The following EFL1 variants were observed in gnomAD, a reference collection of about 807,000 sequenced individuals.
EFL1 encodes elongation factor-like GTPase 1.
A neutral mutation model predicts 126.7 loss-of-function variants in EFL1; 76 were observed. That is an observed-to-expected ratio of 0.60 (90% CI 0.50 to 0.73). The LOEUF is 0.73. Ranked by LOEUF, EFL1 falls within the 30% of genes least tolerant of loss-of-function variation. EFL1 has a pLI of 0.00. For synonymous variants in EFL1, 410 were observed against 448.4 expected (o/e 0.91, Z 1.08); for missense variants, 1,128 against 1,343.2 (o/e 0.84, Z 2.50).
chr15:82,260,767 T>TA (rs913243978), intron 2 of EFL1, among the ~76,000 whole-genome samples: 6 of 152,216 alleles, frequency 3.9e-5, no homozygotes, highest in Admixed American at 2.6e-4. Flanking sequence ...ACTCAACTCT[T>TA]ATCCCAGTTC....
At chr15:82,167,918 G>C (rs985982103) in intron 15 of EFL1, among the ~76,000 whole-genome samples, 53 of 152,130 alleles carry the variant, frequency 3.5e-4, no homozygotes, top group Non-Finnish European at 2.5e-4. Flanking sequence ...CCATCAACCT[G>C]TTCCTGTTAA....
chr15:82,226,153 A>G (rs1567070728), intron 11 of EFL1, among the ~76,000 whole-genome samples: 2 of 151,912 alleles, frequency 1.3e-5, no homozygotes, highest in African/African-American at 4.8e-5. Context: ...TAGTTGTTTC[A>G]TTGTTGTTGT....
intron 4 of EFL1, among the ~76,000 whole-genome samples, chr15:82,241,642 A>G (rs1219476128): frequency 6.6e-6 from 1 of 152,232 alleles, no homozygotes; most frequent in Non-Finnish European, 1.5e-5. Flanking sequence ...ACCACTTAAG[A>G]GCTTATTGGG....
chr15:82,195,524 G>A (rs1430531435), intron 15 of EFL1, among the ~76,000 whole-genome samples: 1 of 152,194 alleles, frequency 6.6e-6, no homozygotes, highest in African/African-American at 2.4e-5. Flanking sequence ...CAAGCTGGTG[G>A]CCACATCCTA....
intron 15 of EFL1, among the ~76,000 whole-genome samples, chr15:82,207,123 G>A (rs997848793): frequency 1.3e-5 from 2 of 151,810 alleles, no homozygotes; most frequent in African/African-American, 2.4e-5. Context: ...TAAAACCCTC[G>A]TATGTGTCAC....
At chr15:82,160,482 T>C (rs1307680140) in intron 16 of EFL1, among the ~76,000 whole-genome samples, 1 of 152,222 alleles carries the variant, frequency 6.6e-6, no homozygotes, top group African/African-American at 2.4e-5. Context: ...CACAAATCAA[T>C]ATTATCTATA....
Position 82,152,370 on chromosome 15 carries a change from G to A in EFL1, c.2084C>T (p.Thr695Ile). 6.2e-7 allele frequency: 1 copy of A among 1,613,296 alleles called. No individual in the cohort carries two copies. Among genetic ancestry groups the A allele is most frequent in the Non-Finnish European group, 8.5e-7 (1 of 1,180,000 alleles). The change falls in exon 18 of 20, where the codon ACA becomes ATA. Residue 695 changes from threonine to isoleucine, a missense_variant. Coordinates refer to ENST00000268206, the MANE Select transcript of EFL1 (RefSeq NM_024580.6). ...GTCAACTTTTGGGGGTTTTGTGATT[G>A]TTTCTCTGAATGGAATAATAGGTTC... Reference protein sequence around the residue: ...VSEPIIPFRETITKPPKVDMV... With the variant: ...VSEPIIPFREIITKPPKVDMV...
chr15:82,198,101 T>A (rs2074427013), intron 15 of EFL1, among the ~76,000 whole-genome samples: 2 of 152,242 alleles, frequency 1.3e-5, no homozygotes, highest in Non-Finnish European at 2.9e-5. Context: ...GGCACTGGTG[T>A]GGACAGAGCA....
Position 82,157,697 on chromosome 15 carries a change from A to G in EFL1, c.2030+16T>C. Reference sequence around the variant, plus strand: ...TGAGAGCTATCATTTCTCCATCGCTATCATTTTCACCTAACCTTTCTTTTA... The same window carrying G: ...TGAGAGCTATCATTTCTCCATCGCTGTCATTTTCACCTAACCTTTCTTTTA... On this transcript the variant is annotated intron_variant, in intron 17 of 19. Coordinates refer to ENST00000268206, the MANE Select transcript of EFL1 (RefSeq NM_024580.6). 6.2e-7 allele frequency: 1 copy of G among 1,603,626 alleles called. No individual in the cohort carries two copies. The highest frequency in any genetic ancestry group is 8.5e-7 in the Non-Finnish European group (1 of 1,172,448).
rs531195636 is a variant in EFL1, at chr15:82,180,347, C to T, written c.1751-16363G>A. The stretch of plus-strand genomic sequence containing the variant: ...ATTGGTTAAAATGAAGCAGTAACTG[C>T]GATTAAACTGGCAAAAAAAAAAAAA... On this transcript the variant is annotated intron_variant, in intron 15 of 19. Transcript: ENST00000268206. Among the ~76,000 whole-genome samples the T allele has an allele frequency of 1.6e-4, 20 of 125,248 alleles. No individual in the cohort carries two copies. The East Asian group carries it at 2.7e-3, about 17-fold the overall frequency. The allele number at this position is 125,248 out of a possible 152,430, so 82.2% of individuals were successfully genotyped here. A position where few individuals can be genotyped will look rare whatever the true frequency, so the allele number is the denominator to read the frequency against.
intron 15 of EFL1, among the ~76,000 whole-genome samples, chr15:82,193,856 G>A (rs1175022211): frequency 2.6e-5 from 4 of 152,150 alleles, no homozygotes; most frequent in East Asian, 1.9e-4. Flanking sequence ...TTTACATGCC[G>A]TGCAAACTAT....
chr15:82,173,214 TAAAAC>T (rs1036966750), intron 15 of EFL1, among the ~76,000 whole-genome samples: 21 of 152,188 alleles, frequency 1.4e-4, no homozygotes, highest in African/African-American at 5.1e-4. Context: ...CTGTAAAACA[TAAAAC>T]AGTACAATAA....
rs559988604 is a variant in EFL1 at position 82,148,733 on chromosome 15, C to T, written c.2989+2732G>A. On this transcript the variant is annotated intron_variant, in intron 18 of 19. Transcript: ENST00000268206. ...TATCTCACCATAATAAGAGAATTTG[C>T]CCTTTTGAGAAATTATGAATAGTAA... is the stretch of plus-strand genomic sequence containing the variant. Among the ~76,000 whole-genome samples the T allele has an allele frequency of 1.5e-4, 23 of 152,204 alleles. No homozygotes were observed. In the East Asian group the frequency reaches 4.3e-3, roughly 28 times the overall value.
At chr15:82,183,906 T>C (rs1214892372) in intron 15 of EFL1, among the ~76,000 whole-genome samples, 1 of 152,190 alleles carries the variant, frequency 6.6e-6, no homozygotes, top group Non-Finnish European at 1.5e-5. Context: ...TTGAGCAGTA[T>C]GTATTAGTAA....
chr15:82,221,219 C>G (rs1352565661), intron 12 of EFL1, among the ~76,000 whole-genome samples: 2 of 152,182 alleles, frequency 1.3e-5, no homozygotes, highest in African/African-American at 4.8e-5. Flanking sequence ...TGTCCATCAC[C>G]TTTGATATTA....
chr15:82,232,897 C>T (rs995572168), intron 7 of EFL1, among the ~76,000 whole-genome samples: 7 of 151,860 alleles, frequency 4.6e-5, no homozygotes, highest in African/African-American at 1.7e-4. Context: ...GGTTTCTATT[C>T]TTCCAGGATT....
At chr15:82,133,602 G>A (rs964065435) in intron 19 of EFL1, among the ~76,000 whole-genome samples, 1 of 152,152 alleles carries the variant, frequency 6.6e-6, no homozygotes, top group African/African-American at 2.4e-5. Flanking sequence ...ATGGCACATA[G>A]GACCTCCTTG....
chr15:82,186,373 T>C (rs1347520303), intron 15 of EFL1, among the ~76,000 whole-genome samples: 2 of 152,212 alleles, frequency 1.3e-5, no homozygotes, highest in Admixed American at 6.5e-5. Context: ...TAAAGTACTA[T>C]ATTGTCTGGC....
intron 15 of EFL1, among the ~76,000 whole-genome samples, chr15:82,214,365 C>T (rs1340095155): frequency 6.6e-6 from 1 of 152,188 alleles, no homozygotes; most frequent in African/African-American, 2.4e-5. Context: ...AGAATAGTTT[C>T]TGACAATTTA....
Sources: allele counts gnomAD v4.1 joint callset (sites outside exome capture counted in the v4.1 genomes callset), GRCh38; gene constraint gnomAD v4.1.1; transcripts MANE v1.5; gene names NCBI Gene and HGNC (gene_info 2026-07-23, HGNC 2026-07-21).